Variants in LZTFL1 observed in about 807,000 individuals in gnomAD.
LZTFL1 encodes leucine zipper transcription factor like 1, also known as leucine zipper transcription factor-like protein 1.
A neutral mutation model predicts 45.9 loss-of-function variants in LZTFL1; 25 were observed. The observed-to-expected ratio is 0.54, with a 90% CI of 0.40 to 0.76. The LOEUF (loss-of-function observed/expected upper bound fraction) is 0.76, where lower values mean the gene tolerates loss of function less well. Among genes scored for constraint, LZTFL1 ranks in the 30% least tolerant of loss-of-function variants. The probability of loss-of-function intolerance (pLI) is 0.00; values close to 1 mark genes in which losing one functional copy is unlikely to be tolerated. For missense variants in LZTFL1, 277 were observed against 331.1 expected, an observed-to-expected ratio of 0.84 and a Z score of 1.27; for synonymous variants, 93 against 117.4, an observed-to-expected ratio of 0.79 and a Z score of 1.35.
intron 4 of LZTFL1, among the ~76,000 whole-genome samples, chr3:45,850,553 A>G (rs1441578289): frequency 6.6e-6 from 1 of 152,162 alleles, no homozygotes; most frequent in Non-Finnish European, 1.5e-5. Flanking sequence ...TTCACATTCA[A>G]TCATTTCAGT....
intron 2 of LZTFL1, among the ~76,000 whole-genome samples, chr3:45,906,529 G>A (rs1702681128): frequency 6.6e-6 from 1 of 152,194 alleles, no homozygotes; most frequent in African/African-American, 2.4e-5. Context: ...GGACAGGCAC[G>A]AGTTTGGCCA....
chr3:45,839,727 G>A (rs995202455), intron 1 of LZTFL1, among the ~76,000 whole-genome samples: 3 of 152,146 alleles, frequency 2.0e-5, no homozygotes, highest in African/African-American at 7.2e-5. Context: ...TTCCATCATG[G>A]CTGATTTCAA....
chr3:45,882,852 T>G (rs1007571878), intron 2 of LZTFL1, among the ~76,000 whole-genome samples: 3 of 151,112 alleles, frequency 2.0e-5, no homozygotes, highest in African/African-American at 7.2e-5. Context: ...TTTTAAAAAT[T>G]TCTTTTCATA....
intron 2 of LZTFL1, among the ~76,000 whole-genome samples, chr3:45,895,342 CATA>C (rs1702318629): frequency 6.6e-6 from 1 of 152,192 alleles, no homozygotes; most frequent in Non-Finnish European, 1.5e-5. Flanking sequence ...GTATTTCTTG[CATA>C]ACATTATGTA....
chr3:45,897,792 T>C, intron 2 of LZTFL1: 1 of 576,550 alleles, frequency 1.7e-6, no homozygotes, highest in Non-Finnish European at 3.0e-6. Flanking sequence ...CCTCTTAACA[T>C]GTCTTTAAAA....
Position 45,830,942 on chromosome 3 carries a change from C to A in LZTFL1, c.571G>T (p.Asp191Tyr), listed in dbSNP as rs1700796908. The change falls in exon 7 of 10, where the codon GAT becomes TAT. Residue 191 changes from aspartate to tyrosine, a missense_variant. Asp to Tyr is a radical substitution (Grantham distance 160). Transcript: ENST00000296135. ...EKSKLEKALQDLQLDQGNQKD... is the reference protein window; with the variant it reads ...EKSKLEKALQYLQLDQGNQKD... ...TGATTTCCTTGATCAAGCTGTAAAT[C>A]TTGCAGTGCTTTTTCTAGTTTTGAC... 2 of 1,613,896 alleles carry A rather than the reference C, an allele frequency of 1.2e-6. No homozygotes were observed. The highest frequency in any genetic ancestry group is 2.2e-5 in the South Asian group (2 of 91,082).
At position 45,901,051 on chromosome 3, in the gene LZTFL1, T is replaced by C; in HGVS notation, c.-215+12069A>G. Reference sequence around the variant, plus strand: ...AAGACCATGACCGACATGTTCCTTTTGAATTTGGCAATTGCTGACCTCCTC... The same window carrying C: ...AAGACCATGACCGACATGTTCCTTTCGAATTTGGCAATTGCTGACCTCCTC... On this transcript the variant is annotated intron_variant, in intron 2 of 4. Coordinates refer to the LZTFL1 transcript ENST00000472635. This position sits in a 1 kb window ranked among gnomAD's most constrained non-coding sequence, Gnocchi z 4.3. 2 of 1,614,232 alleles carry C rather than the reference T, an allele frequency of 1.2e-6. No individual in the cohort carries two copies. Among genetic ancestry groups the C allele is most frequent in the South Asian group, 2.2e-5 (2 of 91,086 alleles).
intron 2 of LZTFL1, among the ~76,000 whole-genome samples, chr3:45,865,843 G>A (rs970720886): frequency 4.6e-5 from 7 of 152,196 alleles, no homozygotes; most frequent in African/African-American, 1.7e-4. Context: ...ATACTTGAGC[G>A]TTTATAACAG....
chr3:45,849,680 G>A (rs1283505512), intron 4 of LZTFL1, among the ~76,000 whole-genome samples: 1 of 152,164 alleles, frequency 6.6e-6, no homozygotes, highest in African/African-American at 2.4e-5. Context: ...TAGCAGAAAC[G>A]TGGTAAGAAT....
exon 4 of LZTFL1, chr3:45,855,012 G>C: frequency 6.5e-7 from 1 of 1,535,142 alleles, no homozygotes; most frequent in African/African-American, 1.4e-5. Flanking sequence ...ACTTAGCCCA[G>C]CTTCTTGGAA....
chr3:45,845,130 T>A (rs780370248), upstream of LZTFL1, among the ~76,000 whole-genome samples: 1 of 152,184 alleles, frequency 6.6e-6, no homozygotes, highest in Non-Finnish European at 1.5e-5. Flanking sequence ...CCAGCTCCTC[T>A]TTCCATACTC....
intron 2 of LZTFL1, among the ~76,000 whole-genome samples, chr3:45,869,924 G>C (rs567027686): frequency 6.6e-6 from 1 of 152,380 alleles, no homozygotes; most frequent in South Asian, 2.1e-4. Context: ...TGGAGGGAGA[G>C]AGACCAGTTA....
At position 45,842,000 on chromosome 3, in the gene LZTFL1, G is replaced by A; in HGVS notation, c.-9C>T. ...GGTCGGTTACTCACCATGGCGGCAGGCAGCGGCGGCAGCCTAAAGGAACGG... is the reference window on the plus strand; with the variant it reads ...GGTCGGTTACTCACCATGGCGGCAGACAGCGGCGGCAGCCTAAAGGAACGG... On this transcript the variant is annotated 5_prime_UTR_variant, in exon 1 of 10. Transcript: ENST00000296135. 2 of 1,609,482 alleles carry A rather than the reference G, an allele frequency of 1.2e-6. No homozygotes were observed. The highest frequency in any genetic ancestry group is 1.7e-6 in the Non-Finnish European group (2 of 1,179,052).
At chr3:45,838,093 C>G (rs1014242234) in intron 1 of LZTFL1, 42 bp from the exon 2 acceptor site, 8 of 1,558,274 alleles carry the variant, frequency 5.1e-6, no homozygotes, top group Non-Finnish European at 6.9e-6. Context: ...TTTTGAAGAT[C>G]TGATCAAAGA....
At chr3:45,872,922 T>C (rs1051366604) in intron 2 of LZTFL1, among the ~76,000 whole-genome samples, 1 of 152,202 alleles carries the variant, frequency 6.6e-6, no homozygotes, top group Non-Finnish European at 1.5e-5. Flanking sequence ...GGCTGTGATG[T>C]CTTAGAAAGA....
exon 1 of LZTFL1, chr3:45,915,444 C>T (rs1255137124): frequency 2.7e-5 from 12 of 451,140 alleles, no homozygotes; most frequent in Non-Finnish European, 5.4e-5. Flanking sequence ...GTTTTGGCCT[C>T]CCAGAAATGG....
chr3:45,882,026 C>A (rs1701869942), intron 2 of LZTFL1, among the ~76,000 whole-genome samples: 1 of 152,238 alleles, frequency 6.6e-6, no homozygotes, highest in South Asian at 2.1e-4. Flanking sequence ...TGTTCACTAG[C>A]TATATGTGGC....
intron 2 of LZTFL1, among the ~76,000 whole-genome samples, chr3:45,891,852 C>T (rs57527954): frequency 2.6e-5 from 4 of 151,872 alleles, no homozygotes; most frequent in Admixed American, 6.6e-5. Context: ...CTTCATTTTG[C>T]GTTTTTCTGA....
chr3:45,852,081 T>C (rs1361992824), intron 4 of LZTFL1, among the ~76,000 whole-genome samples: 4 of 152,160 alleles, frequency 2.6e-5, no homozygotes, highest in African/African-American at 9.6e-5. Flanking sequence ...GCTACTTTTC[T>C]AGAAGGGAAG....
Sources: allele counts gnomAD v4.1 joint callset (sites outside exome capture counted in the v4.1 genomes callset), GRCh38; gene constraint gnomAD v4.1.1; non-coding constraint Gnocchi (gnomAD v3.1); transcripts MANE v1.5; gene names NCBI Gene and HGNC (gene_info 2026-07-23, HGNC 2026-07-21).